Variants in ARL15 observed in about 807,000 individuals in gnomAD.
ARL15 encodes the protein ARF like GTPase 15.
ARL15 carries 19 observed loss-of-function variants against 25.2 expected under a neutral mutation model. That is an observed-to-expected ratio of 0.75 (90% confidence interval 0.53 to 1.10). The LOEUF (loss-of-function observed/expected upper bound fraction) is 1.10. Among genes scored for constraint, ARL15 ranks in the 50% least tolerant of loss-of-function variants. The pLI, the probability that ARL15 is intolerant of heterozygous loss-of-function variation, is 0.00. For synonymous variants in ARL15, 94 were observed against 86.8 expected (o/e 1.08, Z -0.46); for missense variants, 220 against 246.0 (o/e 0.89, Z 0.71).
chr5:54,266,220 A>G (rs908593605), intron 1 of ARL15, among the ~76,000 whole-genome samples: 11 of 152,232 alleles, frequency 7.2e-5, no homozygotes, highest in South Asian at 2.1e-4. Context: ...ACTGACTAGA[A>G]CAGAGTTAGG....
chr5:54,257,899 A>G (rs1228768918), intron 1 of ARL15, among the ~76,000 whole-genome samples: 1 of 152,076 alleles, frequency 6.6e-6, no homozygotes, highest in Non-Finnish European at 1.5e-5. Flanking sequence ...TTGACTTATT[A>G]CTGCCATAAC....
chr5:54,173,498 C>A (rs1004908764), intron 1 of ARL15, among the ~76,000 whole-genome samples: 1 of 152,140 alleles, frequency 6.6e-6, no homozygotes, highest in South Asian at 2.1e-4. Context: ...TACTAATTGG[C>A]TGTCATACTC....
intron 2 of ARL15, among the ~76,000 whole-genome samples, chr5:54,160,112 C>T (rs570169946): frequency 6.6e-6 from 1 of 152,192 alleles, no homozygotes; most frequent in Non-Finnish European, 1.5e-5. Context: ...TGACCTGCAC[C>T]AAGGGCATGA....
At chr5:53,943,685 G>A (rs1247992392) in intron 4 of ARL15, among the ~76,000 whole-genome samples, 2 of 152,162 alleles carry the variant, frequency 1.3e-5, no homozygotes, top group African/African-American at 4.8e-5. Context: ...GCCTGAGTGG[G>A]TGGCTGAGAT....
chr5:54,124,338 G>C (rs1010065826), intron 3 of ARL15, among the ~76,000 whole-genome samples: 3 of 152,136 alleles, frequency 2.0e-5, no homozygotes, highest in Admixed American at 2.0e-4. Context: ...GCTTAAGCTT[G>C]TAATTCTGAC....
intron 1 of ARL15, among the ~76,000 whole-genome samples, chr5:54,193,105 C>T (rs1755452343): frequency 6.6e-6 from 1 of 152,168 alleles, no homozygotes; most frequent in Admixed American, 6.6e-5. Context: ...TCCTGTTAAA[C>T]ATCTCTATCT....
chr5:54,276,580 A>G (rs1757936512), intron 1 of ARL15, among the ~76,000 whole-genome samples: 2 of 152,232 alleles, frequency 1.3e-5, no homozygotes, highest in South Asian at 4.1e-4. Flanking sequence ...TGTCTCCCAT[A>G]GAGTCAATTA....
chr5:53,945,647 C>A (rs1448064622), intron 4 of ARL15, among the ~76,000 whole-genome samples: 4 of 152,134 alleles, frequency 2.6e-5, no homozygotes, highest in African/African-American at 9.7e-5. Context: ...AATTCCAAAG[C>A]ACCTGAAAAA....
At chr5:53,966,221 G>A (rs1458764108) in intron 4 of ARL15, among the ~76,000 whole-genome samples, 7 of 152,086 alleles carry the variant, frequency 4.6e-5, no homozygotes, top group Admixed American at 1.3e-4. Context: ...TCATTCCTCC[G>A]TAATGAAGCC....
intron 4 of ARL15, among the ~76,000 whole-genome samples, chr5:53,977,576 C>T (rs1301889255): frequency 6.6e-6 from 1 of 152,104 alleles, no homozygotes; most frequent in African/African-American, 2.4e-5. Context: ...ATCAATATTA[C>T]TTCAGAATTT....
At chr5:54,297,307 C>T (rs1579991084) in intron 1 of ARL15, among the ~76,000 whole-genome samples, 1 of 152,320 alleles carries the variant, frequency 6.6e-6, no homozygotes, top group Non-Finnish European at 1.5e-5. Context: ...GCTTCAGGTT[C>T]CTGGGGCAGA....
At chr5:54,250,658 T>G in intron 1 of ARL15, among the ~76,000 whole-genome samples, 1 of 151,268 alleles carries the variant, frequency 6.6e-6, no homozygotes. Flanking sequence ...GGGACATGGG[T>G]AGTAGGGACG....
intron 4 of ARL15, among the ~76,000 whole-genome samples, chr5:53,948,561 C>G (rs891945928): frequency 2.6e-5 from 4 of 152,166 alleles, no homozygotes; most frequent in Non-Finnish European, 5.9e-5. Context: ...TAATATAAAA[C>G]TATTAGTTTA....
chr5:54,157,908 C>G (rs2112358685), intron 2 of ARL15, among the ~76,000 whole-genome samples: 1 of 152,038 alleles, frequency 6.6e-6, no homozygotes, highest in East Asian at 1.9e-4. Flanking sequence ...ACTGATTAGT[C>G]CAGAAAATAA....
chr5:53,895,314 G>A (rs191471452), intron 4 of ARL15, among the ~76,000 whole-genome samples: 5 of 152,244 alleles, frequency 3.3e-5, no homozygotes, highest in Admixed American at 3.3e-4. Flanking sequence ...TTACGACTTC[G>A]GATGCTTTGA....
chr5:54,039,052 C>T (rs1447444585), intron 4 of ARL15, among the ~76,000 whole-genome samples: 1 of 152,198 alleles, frequency 6.6e-6, no homozygotes, highest in East Asian at 1.9e-4. Context: ...AGGAGACCAA[C>T]CACTAGGTCT....
intron 4 of ARL15, among the ~76,000 whole-genome samples, chr5:53,907,494 T>A (rs1304797948): frequency 7.3e-3 from 358 of 48,790 alleles, no homozygotes; most frequent in Non-Finnish European, 8.6e-3. Flanking sequence ...ATATATTTTT[T>A]TTTTTTTTTT....
chr5:54,094,917 AG>A (rs1752239261), intron 4 of ARL15, among the ~76,000 whole-genome samples: 1 of 152,232 alleles, frequency 6.6e-6, no homozygotes, highest in Non-Finnish European at 1.5e-5. Context: ...ACTTGCTAAA[AG>A]TTAGATCAGC....
intron 1 of ARL15, among the ~76,000 whole-genome samples, chr5:54,273,202 T>C (rs1317389906): frequency 6.6e-6 from 1 of 152,150 alleles, no homozygotes; most frequent in Non-Finnish European, 1.5e-5. Flanking sequence ...AGAGATATAG[T>C]AGGCTCTAAA....
Sources: gnomAD v4.1 joint callset for allele counts (sites outside exome capture counted in the v4.1 genomes callset) on GRCh38, gnomAD v4.1.1 for gene constraint, MANE v1.5 for transcripts, NCBI Gene and HGNC (gene_info 2026-07-23, HGNC 2026-07-21) for gene names.